Variants in NUDCD3 observed in about 807,000 individuals in gnomAD.
NUDCD3 encodes the protein nudC domain-containing protein 3.
A neutral mutation model predicts 39.7 loss-of-function variants in NUDCD3; 13 were observed. That is an observed-to-expected ratio of 0.33 (90% CI 0.21 to 0.52). The LOEUF (loss-of-function observed/expected upper bound fraction) is 0.52, where lower values mean the gene tolerates loss of function less well. NUDCD3 is among the 20% of genes least tolerant of loss of function. The probability of loss-of-function intolerance (pLI) is 0.96; values close to 1 mark genes in which losing one functional copy is unlikely to be tolerated. For missense variants in NUDCD3, 453 were observed against 458.1 expected, an observed-to-expected ratio of 0.99 and a Z score of 0.10; for synonymous variants, 175 against 172.4, an observed-to-expected ratio of 1.02 and a Z score of -0.12.
intron 2 of NUDCD3, among the ~76,000 whole-genome samples, chr7:44,477,170 A>G (rs922138683): frequency 1.3e-5 from 2 of 152,162 alleles, no homozygotes; most frequent in Admixed American, 6.5e-5. Context: ...AGATTGTTCC[A>G]TGACACCCTC....
chr7:44,412,741 C>T (rs2116883665), intron 3 of NUDCD3, among the ~76,000 whole-genome samples: 1 of 151,938 alleles, frequency 6.6e-6, no homozygotes, highest in Admixed American at 6.5e-5. Flanking sequence ...TCCTGGCTAA[C>T]ACGGTGAAGC....
At chr7:44,438,038 AC>A (rs1489950886) in intron 2 of NUDCD3, among the ~76,000 whole-genome samples, 1 of 152,188 alleles carries the variant, frequency 6.6e-6, no homozygotes, top group African/African-American at 2.4e-5. Context: ...TAGATAATCT[AC>A]GCCATAAATA....
chr7:44,418,269 C>A (rs538225965), intron 3 of NUDCD3, among the ~76,000 whole-genome samples: 85 of 152,278 alleles, frequency 5.6e-4, no homozygotes, highest in African/African-American at 2.0e-3. Flanking sequence ...ATGCAAGGTG[C>A]AAGCCAAGTT....
At chr7:44,391,777 A>G (rs1318469568) in intron 5 of NUDCD3, among the ~76,000 whole-genome samples, 3 of 152,194 alleles carry the variant, frequency 2.0e-5, no homozygotes, top group Non-Finnish European at 4.4e-5. Context: ...TTTGGCCATG[A>G]GCAAACTCTA....
intron 2 of NUDCD3, among the ~76,000 whole-genome samples, chr7:44,437,356 C>T (rs1323759753): frequency 1.3e-5 from 2 of 152,192 alleles, no homozygotes; most frequent in Non-Finnish European, 2.9e-5. Flanking sequence ...GCGTGAGCCA[C>T]CACACCTGGC....
Position 44,475,835 on chromosome 7 carries a change from G to A in NUDCD3, c.509+9133C>T, listed in dbSNP as rs1048392736. 2.6e-5 allele frequency among the ~76,000 whole-genome samples: 4 copies of A among 152,194 alleles called. No individual in the cohort carries two copies. In the East Asian group the frequency reaches 7.7e-4, roughly 29 times the overall value. On this transcript the variant is annotated intron_variant, in intron 2 of 5. Coordinates refer to ENST00000355451, the MANE Select transcript of NUDCD3 (RefSeq NM_015332.4). Reference sequence around the variant, plus strand: ...AAAGCCATAGAAAATATCCCAAAAAGTTAATAGGAAGTGAAGGGATTTTCT... The same window carrying A: ...AAAGCCATAGAAAATATCCCAAAAAATTAATAGGAAGTGAAGGGATTTTCT...
intron 2 of NUDCD3, among the ~76,000 whole-genome samples, chr7:44,465,254 C>T (rs1425612231): frequency 6.6e-6 from 1 of 152,184 alleles, no homozygotes; most frequent in Non-Finnish European, 1.5e-5. Context: ...AGTCATCTCA[C>T]ATCATTCTCC....
At chr7:44,454,922 G>A (rs1799864317) in intron 2 of NUDCD3, among the ~76,000 whole-genome samples, 1 of 150,586 alleles carries the variant, frequency 6.6e-6, no homozygotes, top group South Asian at 2.1e-4. Flanking sequence ...TGACAGAACA[G>A]GACCCTGTCT....
intron 2 of NUDCD3, among the ~76,000 whole-genome samples, chr7:44,469,888 T>C (rs542931025): frequency 6.0e-5 from 9 of 148,900 alleles, no homozygotes; most frequent in Non-Finnish European, 1.2e-4. Flanking sequence ...GTCAAGGTCA[T>C]GAAAAGACTA....
intron 4 of NUDCD3, among the ~76,000 whole-genome samples, chr7:44,403,868 G>GGTC (rs1798769240): frequency 6.6e-6 from 1 of 152,154 alleles, no homozygotes; most frequent in African/African-American, 2.4e-5. Flanking sequence ...TTTATCTGTA[G>GGTC]GTGACCTCCA....
intron 2 of NUDCD3, among the ~76,000 whole-genome samples, chr7:44,482,327 T>C (rs1800508670): frequency 6.6e-6 from 1 of 152,076 alleles, no homozygotes; most frequent in African/African-American, 2.4e-5. Context: ...TGGAAAGACC[T>C]CACTAACAGC....
At chr7:44,434,220 T>C (rs1563175778) in intron 2 of NUDCD3, among the ~76,000 whole-genome samples, 1 of 152,156 alleles carries the variant, frequency 6.6e-6, no homozygotes, top group African/African-American at 2.4e-5. Context: ...AATGACTCGA[T>C]GCCTGGACCC....
At chr7:44,433,583 G>T (rs1799410604) in intron 2 of NUDCD3, among the ~76,000 whole-genome samples, 2 of 152,148 alleles carry the variant, frequency 1.3e-5, no homozygotes, top group Admixed American at 6.5e-5. Context: ...CGTGCATAAG[G>T]TATAGTATGG....
At chr7:44,392,514 TCAGAGACCTGAGA>T (rs1798540419) in intron 4 of NUDCD3, 29 bp from the exon 5 acceptor site, 1 of 1,604,626 alleles carries the variant, frequency 6.2e-7, no homozygotes, top group East Asian at 2.2e-5. Context: ...GAGACCTGAG[TCAGAGACCTGAGA>T]CAGGTGTCCA....
chr7:44,382,214 G>A lies in NUDCD3; in HGVS notation c.*3797C>T, dbSNP rs1000555576. 5 of 152,168 alleles carry A rather than the reference G, an allele frequency of 3.3e-5. No homozygotes were observed. The highest frequency in any genetic ancestry group is 1.2e-4 in the African/African-American group (5 of 41,432). 9.4% of individuals were successfully genotyped at this position (152,168 alleles called of 1,614,324 possible). On this transcript the variant is annotated 3_prime_UTR_variant, in exon 6 of 6. Transcript: ENST00000355451. ...AAATAAAACCGAGTGGGAGGAAGGT[G>A]AGGACTGAAAAACTACATATCAGGT...
intron 2 of NUDCD3, among the ~76,000 whole-genome samples, chr7:44,444,952 A>G (rs17655257): frequency 0.14 from 20,603 of 152,212 alleles, 1,727 homozygotes; most frequent in Non-Finnish European, 0.19. Context: ...CCAATCACAA[A>G]TGACTTCCAA....
chr7:44,447,430 G>C (rs376601222), intron 2 of NUDCD3, among the ~76,000 whole-genome samples: 10 of 152,176 alleles, frequency 6.6e-5, no homozygotes, highest in African/African-American at 2.4e-4. Context: ...ACGGTATTAA[G>C]AAGTGATTAG....
At chr7:44,460,963 G>A (rs1467225057) in intron 2 of NUDCD3, among the ~76,000 whole-genome samples, 10 of 152,114 alleles carry the variant, frequency 6.6e-5, no homozygotes, top group African/African-American at 1.2e-4. Flanking sequence ...GTATTTGAAC[G>A]GTGTGATAAT....
intron 3 of NUDCD3, among the ~76,000 whole-genome samples, chr7:44,407,605 C>T (rs1381426851): frequency 1.4e-5 from 2 of 147,318 alleles, no homozygotes; most frequent in Admixed American, 6.8e-5. Flanking sequence ...CTGAAGACTG[C>T]ATCTTGTGAG....
Sources: gnomAD v4.1 joint callset for allele counts (sites outside exome capture counted in the v4.1 genomes callset) on GRCh38, gnomAD v4.1.1 for gene constraint, MANE v1.5 for transcripts, NCBI Gene and HGNC (gene_info 2026-07-23, HGNC 2026-07-21) for gene names.